RALGAPA1: variants seen among roughly 807,000 people sequenced by gnomAD.
RALGAPA1 encodes Ral GTPase activating protein catalytic subunit alpha 1.
Under a neutral mutation model 269.6 loss-of-function variants are expected in RALGAPA1, and 52 were observed. The observed-to-expected ratio is 0.19, with a 90% CI of 0.15 to 0.24. RALGAPA1 has a LOEUF of 0.24. Among genes scored for constraint, RALGAPA1 ranks in the 10% least tolerant of loss-of-function variants. The pLI, the probability that RALGAPA1 is intolerant of heterozygous loss-of-function variation, is 1.00. For missense variants in RALGAPA1, 1,917 were observed against 3,013.9 expected (o/e 0.64, Z 8.52); for synonymous variants, 817 against 1,008.3 (o/e 0.81, Z 3.60).
Position 35,727,183 on chromosome 14 carries a change from T to C in RALGAPA1, c.1736+1179A>G, listed in dbSNP as rs2070016793. Among the ~76,000 whole-genome samples the C allele has an allele frequency of 4.0e-5, 6 of 151,608 alleles. No homozygotes were observed. The South Asian group carries it at 1.2e-3, about 32-fold the overall frequency. On this transcript the variant is annotated intron_variant, in intron 13 of 41. Coordinates refer to ENST00000680220, the MANE Select transcript of RALGAPA1 (RefSeq NM_001346249.2). ...GTACTTAGTCAAAGCATATACCTAATTTATGTTTTGCCACATGTAGAGGAA... is the reference window on the plus strand; with the variant it reads ...GTACTTAGTCAAAGCATATACCTAACTTATGTTTTGCCACATGTAGAGGAA...
chr14:35,754,539 A>G (rs2073006993), intron 7 of RALGAPA1, among the ~76,000 whole-genome samples: 1 of 152,224 alleles, frequency 6.6e-6, no homozygotes, highest in Non-Finnish European at 1.5e-5. Flanking sequence ...ATTCACTAGA[A>G]TGGCTAAAAT....
At chr14:35,758,408 T>G (rs1365041059) in intron 6 of RALGAPA1, among the ~76,000 whole-genome samples, 1 of 152,094 alleles carries the variant, frequency 6.6e-6, no homozygotes, top group Admixed American at 6.6e-5. Context: ...TAAAATCCAC[T>G]GTTCCCATAA....
intron 39 of RALGAPA1, among the ~76,000 whole-genome samples, chr14:35,568,802 G>T (rs150774051): frequency 8.4e-4 from 128 of 152,256 alleles, no homozygotes; most frequent in African/African-American, 3.0e-3. Flanking sequence ...ACAATCAACA[G>T]ACTGTATAGT....
Position 35,689,415 on chromosome 14 carries a change from A to G in RALGAPA1, c.2996T>C (p.Val999Ala), listed in dbSNP as rs1567010702. 9.7e-6 allele frequency: 12 copies of G among 1,232,166 alleles called. No individual in the cohort carries two copies. Among genetic ancestry groups the G allele is most frequent in the Non-Finnish European group, 1.2e-5 (12 of 988,102 alleles). 76.3% of individuals were successfully genotyped at this position (1,232,166 alleles called of 1,614,324 possible). A position where few individuals can be genotyped will look rare whatever the true frequency, so the allele number is the denominator to read the frequency against. Residue 999 changes from valine to alanine, a missense_variant, in exon 18 of 42, where the codon GTT (valine) becomes GCT (alanine). Val to Ala is a moderately conservative substitution (Grantham distance 64). Transcript: ENST00000680220. ...ETESENITSF[V>A]GTPENLQFQK... is the part of the protein sequence containing the mutation. ...AAACTGTAGGTTTTCAGGAGTCCCA[A>G]CAAAAGAGGTGATATTTTCTGATTC...
At chr14:35,677,599 C>T (rs1426469484) in intron 22 of RALGAPA1, 1 of 204,906 alleles carries the variant, frequency 4.9e-6, no homozygotes, top group African/African-American at 2.4e-5. Flanking sequence ...CTACGTTCTC[C>T]TGTGAGTTAC....
At position 35,674,838 on chromosome 14, in the gene RALGAPA1, ATT is replaced by A. The variant is rs796665765; in HGVS notation, c.4625-131_4625-130del. ...AATAAAAGAAATGTCAACATACATT[ATT>A]TTTTCCCGATAAGGTCAAAACCTCA... On this transcript the variant is annotated intron_variant, in intron 22 of 41. Coordinates refer to ENST00000680220, the MANE Select transcript of RALGAPA1 (RefSeq NM_001346249.2). The A allele has an allele frequency of 7.5e-6, 4 of 535,278 alleles. No homozygotes were observed. The African/African-American group carries it at 7.7e-5, about 10-fold the overall frequency. The allele number at this position is 535,278 out of a possible 1,614,324, so 33.2% of individuals were successfully genotyped here.
At chr14:35,609,753 T>A (rs1383314675) in intron 35 of RALGAPA1, among the ~76,000 whole-genome samples, 17 of 151,076 alleles carry the variant, frequency 1.1e-4, no homozygotes, top group Admixed American at 1.1e-3. Context: ...AGAGACCCCA[T>A]CTCTACAAAA....
intron 28 of RALGAPA1, among the ~76,000 whole-genome samples, chr14:35,657,252 G>A (rs1388080157): frequency 2.7e-5 from 4 of 150,718 alleles, no homozygotes; most frequent in East Asian, 3.9e-4. Flanking sequence ...GCAGTGGCGC[G>A]ATCTCGGCTC....
At chr14:35,709,680 A>C (rs1393125804) in intron 16 of RALGAPA1, among the ~76,000 whole-genome samples, 2 of 152,114 alleles carry the variant, frequency 1.3e-5, no homozygotes, top group Non-Finnish European at 2.9e-5. Flanking sequence ...TTAGTAATAT[A>C]TATTTTCAAT....
At position 35,672,885 on chromosome 14, in the gene RALGAPA1, T is replaced by C; in HGVS notation, c.5055A>G (p.Gly1685=). 6.5e-7 allele frequency: 1 copy of C among 1,548,880 alleles called. No individual in the cohort carries two copies. Among genetic ancestry groups the C allele is most frequent in the Non-Finnish European group, 8.7e-7 (1 of 1,148,508 alleles). ...TAGTTACCTGGTCAATATGAAGTAA[T>C]CCACAATGCATTATATTGTAGAAAT... is the stretch of plus-strand genomic sequence containing the variant. ...LTHFYNIMHC[G]LLHIDQDIVN... is the part of the protein sequence containing the mutation. The change falls in exon 25 of 42, where the codon GGA becomes GGG. Residue 1685 remains glycine (G), a synonymous_variant. Transcript: ENST00000680220.
At chr14:35,645,416 T>G (rs1434900359) in intron 31 of RALGAPA1, among the ~76,000 whole-genome samples, 3 of 147,022 alleles carry the variant, frequency 2.0e-5, no homozygotes, top group Non-Finnish European at 4.5e-5. Flanking sequence ...CCTAGCTGTA[T>G]CTGCCAAAGA....
intron 13 of RALGAPA1, 38 bp from the exon 14 acceptor site, chr14:35,725,191 A>G: frequency 6.8e-7 from 1 of 1,472,380 alleles, no homozygotes; most frequent in East Asian, 2.5e-5. Flanking sequence ...TCCTTCTTGC[A>G]TATGTTTGCA....
At chr14:35,782,071 G>A (rs1175640862) in intron 1 of RALGAPA1, among the ~76,000 whole-genome samples, 1 of 152,080 alleles carries the variant, frequency 6.6e-6, no homozygotes, top group Admixed American at 6.5e-5. Flanking sequence ...CTTGGATATC[G>A]AAAATCCTAA....
At chr14:35,666,713 C>T (rs1162346072) in intron 26 of RALGAPA1, among the ~76,000 whole-genome samples, 1 of 152,038 alleles carries the variant, frequency 6.6e-6, no homozygotes, top group Non-Finnish European at 1.5e-5. Context: ...TTACATAATG[C>T]ATAGTATTAG....
chr14:35,775,767 C>A, intron 1 of RALGAPA1, 22 bp from the exon 2 acceptor site: 1 of 1,521,236 alleles, frequency 6.6e-7, no homozygotes, highest in Non-Finnish European at 8.8e-7. Context: ...AAAAAAATTA[C>A]TGATTATTTA....
intron 18 of RALGAPA1, among the ~76,000 whole-genome samples, chr14:35,687,007 T>A (rs1294618594): frequency 6.6e-6 from 1 of 152,216 alleles, no homozygotes; most frequent in Non-Finnish European, 1.5e-5. Flanking sequence ...CTTAACAATT[T>A]ATAATTCCGT....
chr14:35,732,831 C>A (rs1335179858), intron 12 of RALGAPA1, among the ~76,000 whole-genome samples: 1 of 152,166 alleles, frequency 6.6e-6, no homozygotes, highest in Non-Finnish European at 1.5e-5. Context: ...ACTGACAGCA[C>A]TAGACAGGTC....
At chr14:35,645,138 C>T (rs1338519869) in intron 31 of RALGAPA1, among the ~76,000 whole-genome samples, 1 of 152,064 alleles carries the variant, frequency 6.6e-6, no homozygotes, top group Non-Finnish European at 1.5e-5. Context: ...TGTTAGATGA[C>T]CACCTTCTAG....
chr14:35,626,330 C>T (rs529560723), intron 34 of RALGAPA1, among the ~76,000 whole-genome samples: 3 of 152,092 alleles, frequency 2.0e-5, no homozygotes, highest in African/African-American at 4.8e-5. Context: ...AAGATTTGTT[C>T]GTTCACTGAT....
Sources: gnomAD v4.1 joint callset for allele counts (sites outside exome capture counted in the v4.1 genomes callset) on GRCh38, gnomAD v4.1.1 for gene constraint, MANE v1.5 for transcripts, NCBI Gene and HGNC (gene_info 2026-07-23, HGNC 2026-07-21) for gene names.